Variants in CROCC observed in about 807,000 individuals in gnomAD.
CROCC encodes ciliary rootlet coiled-coil, rootletin.
A neutral mutation model predicts 245.2 loss-of-function variants in CROCC; 180 were observed. The observed-to-expected ratio is 0.73, with a 90% CI of 0.65 to 0.83. The LOEUF (loss-of-function observed/expected upper bound fraction) is 0.83. CROCC is among the 40% of genes least tolerant of loss of function. The pLI, the probability that CROCC is intolerant of heterozygous loss-of-function variation, is 0.00. For missense variants in CROCC, 2,688 were observed against 2,779.4 expected (o/e 0.97, Z 0.74); for synonymous variants, 1,205 against 1,241.6 (o/e 0.97, Z 0.62).
In CROCC at chr1:16,930,227, A is replaced by G. The variant is rs764157364; in HGVS notation, c.621+20A>G. ...CTGAGGGTGGGTGCCAGTGTGGGGCAGGGGCAGGCCCTGCCCTCCACCTGC... is the reference window on the plus strand; with the variant it reads ...CTGAGGGTGGGTGCCAGTGTGGGGCGGGGGCAGGCCCTGCCCTCCACCTGC... On this transcript the variant is annotated intron_variant, in intron 5 of 36. Coordinates refer to ENST00000375541, the MANE Select transcript of CROCC (RefSeq NM_014675.5). The G allele has an allele frequency of 5.7e-6, 9 of 1,586,892 alleles. No individual in the cohort carries two copies. In the East Asian group the frequency reaches 1.6e-4, roughly 28 times the overall value.
intron 3 of CROCC, among the ~76,000 whole-genome samples, chr1:16,928,228 C>A (rs1473927026): frequency 6.6e-6 from 1 of 152,290 alleles, no homozygotes; most frequent in Non-Finnish European, 1.5e-5. Context: ...GTAAGCTGGG[C>A]TGGGGTGTTG....
intron 36 of CROCC, 137 bp from the exon 37 acceptor site, chr1:16,972,223 G>T: frequency 1.3e-6 from 1 of 742,388 alleles, no homozygotes; most frequent in African/African-American, 1.8e-5. Flanking sequence ...GAGAAAGGCA[G>T]GACAGCCCCT....
intron 8 of CROCC, 38 bp downstream of exon 8, chr1:16,931,435 C>T (rs2075675755): frequency 6.5e-7 from 1 of 1,540,730 alleles, no homozygotes; most frequent in East Asian, 2.3e-5. Context: ...AGCTGAGAGC[C>T]AGCCCTGCTC....
rs898099583 is a variant in CROCC at position 16,964,008 on chromosome 1, G to A, written c.4406-1715G>A. On this transcript the variant is annotated intron_variant, in intron 27 of 36. Transcript: ENST00000375541. The stretch of plus-strand genomic sequence containing the variant: ...GATGGGGGTTTCACCATGTTGGCCA[G>A]GCTGGTCTTGAACTCCTGACCTCAG... Among the ~76,000 whole-genome samples, 13 of 152,202 alleles carry A rather than the reference G, an allele frequency of 8.5e-5. No homozygotes were observed. In the East Asian group the frequency reaches 2.5e-3, roughly 29 times the overall value.
At chr1:16,921,272 G>A (rs2075399453), upstream of CROCC, among the ~76,000 whole-genome samples, 1 of 152,292 alleles carries the variant, frequency 6.6e-6, no homozygotes, top group Admixed American at 6.5e-5. Flanking sequence ...GTGGGGGCTG[G>A]GGTGGGTGTG....
chr1:16,964,140 T>A (rs561997613), intron 27 of CROCC, among the ~76,000 whole-genome samples: 67 of 120,068 alleles, frequency 5.6e-4, no homozygotes, highest in South Asian at 1.4e-3. Flanking sequence ...TTTCTTTATT[T>A]TTTTTTTTTT....
rs1177172214 is a variant in CROCC at position 16,940,161 on chromosome 1, G to A, written c.1808+68G>A. ...ACCGTCTGGGCATAACACCAGTCAA[G>A]CCTTATGCGTATGGCTCTGCACTAA... On this transcript the variant is annotated intron_variant, in intron 13 of 36. Transcript: ENST00000375541. 2.0e-6 allele frequency: 3 copies of A among 1,495,756 alleles called. No individual in the cohort carries two copies. In the South Asian group the frequency reaches 3.7e-5, roughly 18 times the overall value. 92.7% of individuals were successfully genotyped at this position (1,495,756 alleles called of 1,614,324 possible). A position where few individuals can be genotyped will look rare whatever the true frequency, so the allele number is the denominator to read the frequency against.
chr1:16,961,333 C>A (rs1157077624), intron 27 of CROCC, among the ~76,000 whole-genome samples: 1 of 151,888 alleles, frequency 6.6e-6, no homozygotes, highest in Non-Finnish European at 1.5e-5. Flanking sequence ...AAGGGCGCTT[C>A]TTTTTTCTTT....
At chr1:16,942,289 C>T (rs1466406241) in intron 13 of CROCC, among the ~76,000 whole-genome samples, 9 of 152,262 alleles carry the variant, frequency 5.9e-5, no homozygotes, top group African/African-American at 1.4e-4. Flanking sequence ...TGAGCCATCA[C>T]GCCAGGCACC....
At chr1:16,920,743 T>TTTC, upstream of CROCC, among the ~76,000 whole-genome samples, 1 of 6,492 alleles carries the variant, frequency 1.5e-4, no homozygotes, top group East Asian at 7.5e-3. Flanking sequence ...GGACTGTGCC[T>TTTC]TTTTTTTTTT....
chr1:16,969,945 G>C lies in CROCC; in HGVS notation c.5451+11G>C, dbSNP rs2100559634. The stretch of plus-strand genomic sequence containing the variant: ...CAACAGCTACGGGAGGTGAGGGCCA[G>C]GGTGTGCCCCCTCTGTCCCCAAGAC... On this transcript the variant is annotated intron_variant, in intron 33 of 36. Transcript: ENST00000375541. 1 of 1,575,288 alleles carries C rather than the reference G, an allele frequency of 6.3e-7. No homozygotes were observed. Among genetic ancestry groups the C allele is most frequent in the Non-Finnish European group, 8.6e-7 (1 of 1,160,064 alleles).
intron 15 of CROCC, among the ~76,000 whole-genome samples, chr1:16,945,888 G>C (rs11203469): frequency 0.048 from 7,176 of 150,814 alleles, 3 homozygotes; most frequent in African/African-American, 0.052. Flanking sequence ...CAGTGCCTGA[G>C]ACTCAGCTCC....
Position 16,954,326 on chromosome 1 carries a change from G to A in CROCC, c.3290G>A (p.Arg1097Gln), listed in dbSNP as rs6669627. ...TISLEMERQKRDAQSRQEQDR... is the reference protein window; with the variant it reads ...TISLEMERQKQDAQSRQEQDR... ...TCCCTGGAGATGGAGCGGCAGAAAC[G>A]AGATGCCCAGAGCCGGCAGGAGCAG... is the stretch of plus-strand genomic sequence containing the variant. The change falls in exon 22 of 37, where the codon CGA (arginine) becomes CAA (glutamine). Residue 1097 changes from arginine to glutamine, a missense_variant. By Grantham distance (43) the Arg-to-Gln change is conservative. Transcript: ENST00000375541. The surrounding 1 kb of genome is among the most constrained non-coding windows in gnomAD (Gnocchi z 4.4). 4 of 1,600,452 alleles carry A rather than the reference G, an allele frequency of 2.5e-6. No homozygotes were observed. The highest frequency in any genetic ancestry group is 3.4e-5 in the Admixed American group (2 of 59,294).
intron 24 of CROCC, 120 bp from the exon 25 acceptor site, chr1:16,955,875 CAG>C: frequency 7.9e-7 from 1 of 1,271,346 alleles, no homozygotes; most frequent in Non-Finnish European, 1.1e-6. Flanking sequence ...CTTAGCTCTT[CAG>C]AGAGGCCACA....
Position 16,943,454 on chromosome 1 carries a change from C to T in CROCC, c.1809-646C>T, listed in dbSNP as rs372413464. Among the ~76,000 whole-genome samples the T allele has an allele frequency of 2.7e-4, 41 of 152,168 alleles. No individual in the cohort carries two copies. In the East Asian group the frequency reaches 6.2e-3, roughly 23 times the overall value. ...TTGGGAGGCTGAGGCAGGAGAATGG[C>T]GTGAACCCGGGAGGCGGAGCTTGCA... is the stretch of plus-strand genomic sequence containing the variant. On this transcript the variant is annotated intron_variant, in intron 13 of 36. Transcript: ENST00000375541.
chr1:16,952,041 C>G (rs1031007779), intron 20 of CROCC: 1 of 151,884 alleles, frequency 6.6e-6, no homozygotes, highest in African/African-American at 2.4e-5. Context: ...ATAGGCGCGC[C>G]ACCACGCCTG....
At chr1:16,938,599 G>C (rs2075845241) in intron 11 of CROCC, 116 bp downstream of exon 11, 1 of 1,018,494 alleles carries the variant, frequency 9.8e-7, no homozygotes, top group Non-Finnish European at 1.4e-6. Context: ...TGGGACCCAG[G>C]CTGTAGCTGC....
chr1:16,928,081 G>A (rs1388919712), intron 3 of CROCC, among the ~76,000 whole-genome samples: 1 of 152,294 alleles, frequency 6.6e-6, no homozygotes, highest in East Asian at 1.9e-4. Flanking sequence ...AGATGAGCGT[G>A]GGTGAGAGCA....
Position 16,948,377 on chromosome 1 carries a change from G to T in CROCC, c.2561G>T (p.Arg854Leu), listed in dbSNP as rs763919738. ...CGGGAGCAGGAGCTGGAGCAGGCCC[G>T]GCGGGAGGCCCAGCGGCAAGTGGAG... ...SGREQELEQA[R>L]REAQRQVEAL... Residue 854 changes from arginine (R) to leucine (L), a missense_variant, in exon 18 of 37, where the codon CGG becomes CTG. Physicochemically the swap from Arg to Leu is moderately radical, Grantham distance 102 (BLOSUM62 -2). Coordinates refer to ENST00000375541, the MANE Select transcript of CROCC (RefSeq NM_014675.5). 1 of 1,578,604 alleles carries T rather than the reference G, an allele frequency of 6.3e-7. No homozygotes were observed. Among genetic ancestry groups the T allele is most frequent in the East Asian group, 2.3e-5 (1 of 44,132 alleles).
Sources: allele counts gnomAD v4.1 joint callset (sites outside exome capture counted in the v4.1 genomes callset), GRCh38; gene constraint gnomAD v4.1.1; non-coding constraint Gnocchi (gnomAD v3.1); transcripts MANE v1.5; gene names NCBI Gene and HGNC (gene_info 2026-07-23, HGNC 2026-07-21).